SLA: variants seen among roughly 807,000 people sequenced by gnomAD.
SLA encodes the protein Src like adaptor.
Under a neutral mutation model 30.3 loss-of-function variants are expected in SLA, and 16 were observed. The ratio of observed to expected loss-of-function variants is 0.53; its 90% CI spans 0.36 to 0.80. SLA has a LOEUF of 0.80. Ranked by LOEUF, SLA falls within the 30% of genes least tolerant of loss-of-function variation. The probability of loss-of-function intolerance (pLI) is 0.01; values close to 1 mark genes in which losing one functional copy is unlikely to be tolerated. For missense variants in SLA, 310 were observed against 345.2 expected (o/e 0.90, Z 0.81); for synonymous variants, 143 against 137.8 (o/e 1.04, Z -0.26).
intron 6 of SLA, 156 bp downstream of exon 6, chr8:133,047,674 C>T (rs1181064385): frequency 4.6e-6 from 3 of 649,212 alleles, no homozygotes; most frequent in Admixed American, 2.2e-5. Flanking sequence ...CCCCACTGGC[C>T]TCCCCAGCAG....
intron 7 of SLA, among the ~76,000 whole-genome samples, chr8:133,041,003 G>T (rs1373546064): frequency 6.6e-6 from 1 of 152,150 alleles, no homozygotes; most frequent in Non-Finnish European, 1.5e-5. Flanking sequence ...TGTAGCTTCC[G>T]TCTCTTGGAA....
intron 2 of SLA, among the ~76,000 whole-genome samples, chr8:133,070,257 C>T (rs2245048): frequency 0.61 from 91,945 of 151,624 alleles, 28,329 homozygotes; most frequent in East Asian, 0.78. Context: ...ATGTGTGGAG[C>T]GGTCTCATAA....
At chr8:133,059,990 C>T (rs1211375562) in intron 3 of SLA, 110 bp downstream of exon 3, 9 of 1,080,184 alleles carry the variant, frequency 8.3e-6, no homozygotes, top group Admixed American at 5.4e-5. Context: ...ATGAGCCCTT[C>T]GGTACCCATT....
chr8:133,037,243 G>A lies in SLA; in HGVS notation c.*1281C>T, dbSNP rs1448165600. ...CTCTCTTCCTAGTAGGATTTGGATG[G>A]GAGCTTCTCCTTCTCTGGCTATACA... On this transcript the variant is annotated 3_prime_UTR_variant, in exon 9 of 9. Transcript: ENST00000338087. The A allele has an allele frequency of 1.3e-5, 2 of 152,156 alleles. No homozygotes were observed. Among genetic ancestry groups the A allele is most frequent in the African/African-American group, 2.4e-5 (1 of 41,428 alleles). 9.4% of individuals were successfully genotyped at this position (152,156 alleles called of 1,614,324 possible). A position where few individuals can be genotyped will look rare whatever the true frequency, so the allele number is the denominator to read the frequency against.
Position 133,038,334 on chromosome 8 carries a change from C to T in SLA, c.*190G>A, listed in dbSNP as rs891161462. The T allele has an allele frequency of 3.3e-6, 2 of 605,754 alleles. No individual in the cohort carries two copies. Among genetic ancestry groups the T allele is most frequent in the African/African-American group, 3.7e-5 (2 of 53,912 alleles). 37.5% of individuals were successfully genotyped at this position (605,754 alleles called of 1,614,324 possible). A position where few individuals can be genotyped will look rare whatever the true frequency, so the allele number is the denominator to read the frequency against. On this transcript the variant is annotated 3_prime_UTR_variant, in exon 9 of 9. Coordinates refer to ENST00000338087, the MANE Select transcript of SLA (RefSeq NM_001045556.3). Reference sequence around the variant, plus strand: ...TCGTGATGCCACAGCCCTGATCAGACACCAGGGAGGGGTTCCTTTGGTCAT... The same window carrying T: ...TCGTGATGCCACAGCCCTGATCAGATACCAGGGAGGGGTTCCTTTGGTCAT...
chr8:133,073,620 G>A (rs1564154582), intron 2 of SLA, among the ~76,000 whole-genome samples: 1 of 152,102 alleles, frequency 6.6e-6, no homozygotes, highest in Non-Finnish European at 1.5e-5. Flanking sequence ...TCCACTTTTC[G>A]AAGGACCACA....
intron 7 of SLA, among the ~76,000 whole-genome samples, chr8:133,042,678 C>CT (rs58739514): frequency 0.026 from 1,465 of 56,600 alleles, 355 homozygotes; most frequent in African/African-American, 0.035. Flanking sequence ...CATTCTGTGT[C>CT]TTTTTTTTTT....
chr8:133,047,986 AAGGC>A, intron 5 of SLA, 53 bp from the exon 6 acceptor site: 1 of 1,149,224 alleles, frequency 8.7e-7, no homozygotes, highest in Non-Finnish European at 1.3e-6. Flanking sequence ...TCCCCCAGGA[AAGGC>A]AGGAATGCGC....
In SLA at chr8:133,057,579, G is replaced by A. The variant is rs1297899837; in HGVS notation, c.61+2521C>T. ...GGAGGGACTTGTTCCAGATCTCTGG[G>A]GCAGCCCGAGTGACTCACCTAAAGT... On this transcript the variant is annotated intron_variant, in intron 3 of 8. Transcript: ENST00000338087. Among the ~76,000 whole-genome samples, 4 of 152,044 alleles carry A rather than the reference G, an allele frequency of 2.6e-5. No homozygotes were observed. In the East Asian group the frequency reaches 7.7e-4, roughly 29 times the overall value.
At chr8:133,079,896 C>T (rs895905603) in intron 1 of SLA, among the ~76,000 whole-genome samples, 6 of 151,724 alleles carry the variant, frequency 4.0e-5, no homozygotes, top group Non-Finnish European at 5.9e-5. Flanking sequence ...CCTTCAAGAT[C>T]GCATACAAGA....
At chr8:133,081,372 G>C (rs1381291440) in intron 1 of SLA, among the ~76,000 whole-genome samples, 1 of 152,240 alleles carries the variant, frequency 6.6e-6, no homozygotes, top group African/African-American at 2.4e-5. Context: ...CACCTCTGGG[G>C]AAGACAATAA....
chr8:133,038,966 C>G (rs988136538), intron 8 of SLA, among the ~76,000 whole-genome samples: 1 of 152,190 alleles, frequency 6.6e-6, no homozygotes, highest in Non-Finnish European at 1.5e-5. Context: ...CAACCTCTGC[C>G]TCCCAGGCTC....
At chr8:133,088,471 A>C (rs570268932) in intron 1 of SLA, among the ~76,000 whole-genome samples, 8 of 152,306 alleles carry the variant, frequency 5.3e-5, no homozygotes, top group African/African-American at 1.9e-4. Context: ...ACCTTGGAAA[A>C]ATTACCTACC....
intron 7 of SLA, 37 bp downstream of exon 7, chr8:133,044,947 C>G (rs746678891): frequency 1.2e-6 from 2 of 1,610,798 alleles, no homozygotes; most frequent in South Asian, 2.2e-5. Context: ...AAGAGGGGTC[C>G]CACCATCACA....
chr8:133,081,622 C>T (rs750281652), intron 1 of SLA, among the ~76,000 whole-genome samples: 1 of 152,178 alleles, frequency 6.6e-6, no homozygotes, highest in Non-Finnish European at 1.5e-5. Flanking sequence ...TCCACCACAA[C>T]TGTCTGCTGC....
rs572209458 is a variant in SLA, at chr8:133,097,387, T to G, written c.-319+5166A>C. Among the ~76,000 whole-genome samples the G allele has an allele frequency of 1.8e-4, 27 of 152,336 alleles. No individual in the cohort carries two copies. In the South Asian group the frequency reaches 5.2e-3, roughly 29 times the overall value. On this transcript the variant is annotated intron_variant, in intron 1 of 8. Transcript: ENST00000338087. ...TTTATTGATTGATTGTGGCATTGAT[T>G]ATTGTGGCAAAAAATTGGAAGCAAC...
chr8:133,040,293 C>T, intron 7 of SLA, 163 bp from the exon 8 acceptor site: 2 of 716,292 alleles, frequency 2.8e-6, no homozygotes, highest in Non-Finnish European at 4.6e-6. Flanking sequence ...TGCTGAAAGT[C>T]ACGCGCCCAG....
intron 3 of SLA, among the ~76,000 whole-genome samples, chr8:133,056,608 A>C (rs1841481682): frequency 6.6e-6 from 1 of 152,170 alleles, no homozygotes; most frequent in Non-Finnish European, 1.5e-5. Context: ...AAGGCAAGTC[A>C]TTTAAGCTTC....
At chr8:133,059,535 T>C (rs1160775158) in intron 3 of SLA, among the ~76,000 whole-genome samples, 2 of 152,176 alleles carry the variant, frequency 1.3e-5, no homozygotes, top group African/African-American at 4.8e-5. Context: ...CTGATTAACC[T>C]GCAATATTAG....
Sources: gnomAD v4.1 joint callset for allele counts (sites outside exome capture counted in the v4.1 genomes callset) on GRCh38, gnomAD v4.1.1 for gene constraint, MANE v1.5 for transcripts, NCBI Gene and HGNC (gene_info 2026-07-23, HGNC 2026-07-21) for gene names.